The following LYRM7 variants were observed in gnomAD, a reference collection of about 807,000 sequenced individuals.
LYRM7 encodes the protein complex III assembly factor LYRM7.
In LYRM7, 9 loss-of-function variants were observed where a neutral mutation model predicts 15.8. The ratio of observed to expected loss-of-function variants is 0.57; its 90% CI spans 0.34 to 0.99. The LOEUF is 0.99. Ranked by LOEUF, LYRM7 falls within the 50% of genes least tolerant of loss-of-function variation. LYRM7 has a pLI of 0.02. For synonymous variants in LYRM7, 39 were observed against 39.4 expected (o/e 0.99, Z 0.04); for missense variants, 115 against 119.1 (o/e 0.97, Z 0.16).
intron 3 of LYRM7, among the ~76,000 whole-genome samples, chr5:131,184,857 C>T (rs746237887): frequency 6.6e-6 from 1 of 152,142 alleles, no homozygotes. Flanking sequence ...TGCTCTCCCA[C>T]AGCTCTCTCC....
intron 4 of LYRM7, among the ~76,000 whole-genome samples, chr5:131,197,685 G>A (rs1463746857): frequency 6.6e-6 from 1 of 151,472 alleles, no homozygotes; most frequent in Non-Finnish European, 1.5e-5. Flanking sequence ...AGGAATACAG[G>A]TGTGCACCAC....
At position 131,185,617 on chromosome 5, in the gene LYRM7, A is replaced by G. The variant is rs544631856; in HGVS notation, c.163-1411A>G. ...TTTTTAAATTATATCTATCAATACT[A>G]ATATCCATCTCATCAGAAAAATCTT... On this transcript the variant is annotated intron_variant, in intron 3 of 4. Transcript: ENST00000379380. 1.0e-3 allele frequency among the ~76,000 whole-genome samples: 159 copies of G among 152,288 alleles called. 1 individual carries two copies. The highest frequency in any genetic ancestry group is 3.7e-3 in the African/African-American group (155 of 41,546).
At chr5:131,173,102 A>AT (rs560513967) in intron 1 of LYRM7, among the ~76,000 whole-genome samples, 18 of 152,080 alleles carry the variant, frequency 1.2e-4, no homozygotes, top group Admixed American at 2.0e-4. Context: ...CTTACTTCTC[A>AT]TTTTTTTAAT....
intron 2 of LYRM7, among the ~76,000 whole-genome samples, chr5:131,180,394 C>A (rs1042365021): frequency 6.6e-6 from 1 of 151,852 alleles, no homozygotes; most frequent in Non-Finnish European, 1.5e-5. Context: ...AAAAAAAAGG[C>A]GAGGGACCAG....
In LYRM7 at chr5:131,199,729, T is replaced by A; in HGVS notation, c.*128T>A. On this transcript the variant is annotated 3_prime_UTR_variant, in exon 5 of 5. Coordinates refer to ENST00000379380, the MANE Select transcript of LYRM7 (RefSeq NM_181705.4). ...AAAATGAATGAATTACAGAATAGCT[T>A]CATATTTAAATTTCATGTTAAAAGG... 1 of 511,022 alleles carries A rather than the reference T, an allele frequency of 2.0e-6. No individual in the cohort carries two copies. The highest frequency in any genetic ancestry group is 3.4e-6 in the Non-Finnish European group (1 of 290,940). The allele number at this position is 511,022 out of a possible 1,614,324, so 31.7% of individuals were successfully genotyped here.
chr5:131,191,173 G>A (rs1365795144), intron 4 of LYRM7, among the ~76,000 whole-genome samples: 1 of 151,176 alleles, frequency 6.6e-6, no homozygotes, highest in Non-Finnish European at 1.5e-5. Context: ...GTATATATAT[G>A]TATACACACA....
At position 131,203,761 on chromosome 5, in the gene LYRM7, CTTCTGTA is replaced by C. The variant is rs1453011619; in HGVS notation, c.*4167_*4173del. On this transcript the variant is annotated 3_prime_UTR_variant, in exon 5 of 5. Transcript: ENST00000379380. ...AATATATCCACATAAAAATATAAAACTTCTGTATTCTGTGAAAGCTACTATAAATAAA... is the reference window on the plus strand; with the variant it reads ...AATATATCCACATAAAAATATAAAACTTCTGTGAAAGCTACTATAAATAAA... 1.3e-5 allele frequency: 2 copies of C among 152,306 alleles called. No individual in the cohort carries two copies. The highest frequency in any genetic ancestry group is 2.1e-4 in the South Asian group (1 of 4,830). 9.4% of individuals were successfully genotyped at this position (152,306 alleles called of 1,614,324 possible). A position where few individuals can be genotyped will look rare whatever the true frequency, so the allele number is the denominator to read the frequency against.
chr5:131,185,963 A>G (rs1755789378), intron 3 of LYRM7, among the ~76,000 whole-genome samples: 1 of 152,256 alleles, frequency 6.6e-6, no homozygotes, highest in Non-Finnish European at 1.5e-5. Context: ...TTTCTAAGAA[A>G]ATAAGAAAAT....
intron 3 of LYRM7, among the ~76,000 whole-genome samples, chr5:131,184,619 G>A (rs1334431004): frequency 7.0e-6 from 1 of 142,992 alleles, no homozygotes; most frequent in African/African-American, 2.8e-5. Flanking sequence ...TTATCTGTCA[G>A]ACAAATGGAA....
chr5:131,182,420 C>T (rs562205210), intron 3 of LYRM7, 121 bp downstream of exon 3: 269 of 941,074 alleles, frequency 2.9e-4, no homozygotes, highest in Middle Eastern at 1.6e-3. Flanking sequence ...GCCATCACAA[C>T]TGTAGATAAC....
In LYRM7 at chr5:131,205,114, G is replaced by A. The variant is rs1471281311; in HGVS notation, c.*5513G>A. 6.6e-6 allele frequency: 1 copy of A among 152,152 alleles called. No individual in the cohort carries two copies. The highest frequency in any genetic ancestry group is 1.5e-5 in the Non-Finnish European group (1 of 67,996). The allele number at this position is 152,152 out of a possible 1,614,324, so 9.4% of individuals were successfully genotyped here. ...TTACATTTTGCCATGTTTGTTTAAAGGTCTAAGTCATAAAATCTTATAAAG... is the reference window on the plus strand; with the variant it reads ...TTACATTTTGCCATGTTTGTTTAAAAGTCTAAGTCATAAAATCTTATAAAG... On this transcript the variant is annotated 3_prime_UTR_variant, in exon 5 of 5. Transcript: ENST00000379380.
chr5:131,188,735 T>G (rs891069979), intron 4 of LYRM7, among the ~76,000 whole-genome samples: 3 of 152,216 alleles, frequency 2.0e-5, no homozygotes, highest in Non-Finnish European at 2.9e-5. Flanking sequence ...TGTGAGAAGT[T>G]CTTAATGTAG....
intron 1 of LYRM7, among the ~76,000 whole-genome samples, chr5:131,174,286 T>C (rs978168766): frequency 6.6e-6 from 1 of 152,270 alleles, no homozygotes. Flanking sequence ...AGTCACATCT[T>C]AAGGCTCCAC....
chr5:131,186,978 C>A (rs954333165), intron 3 of LYRM7, 50 bp from the exon 4 acceptor site: 63 of 1,019,530 alleles, frequency 6.2e-5, no homozygotes, highest in Non-Finnish European at 8.9e-5. Flanking sequence ...ACAGTACATT[C>A]ATATGAAACA....
intron 3 of LYRM7, among the ~76,000 whole-genome samples, chr5:131,184,861 T>G (rs1405121710): frequency 2.0e-5 from 3 of 152,064 alleles, no homozygotes; most frequent in African/African-American, 7.2e-5. Flanking sequence ...CTCCCACAGC[T>G]CTCTCCATGG....
chr5:131,173,938 C>T (rs1755560806), intron 1 of LYRM7, among the ~76,000 whole-genome samples: 1 of 152,174 alleles, frequency 6.6e-6, no homozygotes, highest in Admixed American at 6.5e-5. Context: ...GTGACAATTT[C>T]TTAAAATAGG....
intron 1 of LYRM7, 94 bp downstream of exon 1, chr5:131,171,132 C>T (rs1580689820): frequency 7.9e-7 from 1 of 1,272,506 alleles, no homozygotes; most frequent in Non-Finnish European, 1.0e-6. Context: ...GAGGCTGGGG[C>T]TCCTGACCCT....
chr5:131,199,096 A>G (rs114704057), intron 4 of LYRM7, among the ~76,000 whole-genome samples: 1 of 152,206 alleles, frequency 6.6e-6, no homozygotes, highest in Non-Finnish European at 1.5e-5. Context: ...TGATATGACC[A>G]CACAAAACAC....
chr5:131,191,332 G>C (rs572849012), intron 4 of LYRM7, among the ~76,000 whole-genome samples: 5 of 152,062 alleles, frequency 3.3e-5, no homozygotes, highest in East Asian at 3.9e-4. Context: ...TAAAAATTCT[G>C]CTTCTTGTTT....
Sources: allele counts gnomAD v4.1 joint callset (sites outside exome capture counted in the v4.1 genomes callset), GRCh38; gene constraint gnomAD v4.1.1; transcripts MANE v1.5; gene names NCBI Gene and HGNC (gene_info 2026-07-23, HGNC 2026-07-21).